The following GPHN variants were observed in gnomAD, a reference collection of about 807,000 sequenced individuals.
The protein encoded by GPHN is gephyrin.
GPHN carries 17 observed loss-of-function variants against 95.5 expected under a neutral mutation model. That is an observed-to-expected ratio of 0.18 (90% CI 0.12 to 0.27). GPHN has a LOEUF of 0.27. Ranked by LOEUF, GPHN falls within the 10% of genes least tolerant of loss-of-function variation. The pLI, the probability that GPHN is intolerant of heterozygous loss-of-function variation, is 1.00. For missense variants in GPHN, 660 were observed against 978.1 expected, an observed-to-expected ratio of 0.67 and a Z score of 4.34; for synonymous variants, 320 against 322.5, an observed-to-expected ratio of 0.99 and a Z score of 0.08.
chr14:67,597,495 C>T, the GPHN span, among the ~76,000 whole-genome samples: 18 of 147,670 alleles, frequency 1.2e-4, no homozygotes, highest in Admixed American at 9.3e-4. Context: ...ACAAAGAAAC[C>T]TGTCTCAAAA....
intron 2 of GPHN, among the ~76,000 whole-genome samples, chr14:66,720,106 A>T (rs867740014): frequency 2.0e-5 from 3 of 152,236 alleles, no homozygotes. Context: ...ATGGATCATT[A>T]TATAACCATT....
chr14:67,299,050 A>G, the GPHN span, among the ~76,000 whole-genome samples: 1 of 152,160 alleles, frequency 6.6e-6, no homozygotes, highest in Non-Finnish European at 1.5e-5. Flanking sequence ...ATATCCCACA[A>G]TTTGACCACT....
chr14:67,660,069 T>A, the GPHN span: 4 of 804,284 alleles, frequency 5.0e-6, no homozygotes, highest in Non-Finnish European at 7.6e-6. Context: ...GGACCATGTC[T>A]GGCATGTTCC....
chr14:66,733,493 A>T (rs926330877), intron 2 of GPHN, among the ~76,000 whole-genome samples: 1 of 152,162 alleles, frequency 6.6e-6, no homozygotes, highest in East Asian at 1.9e-4. Context: ...AAATATATGA[A>T]TTTTGATTAC....
At chr14:67,400,812 A>C in the GPHN span, among the ~76,000 whole-genome samples, 1 of 151,990 alleles carries the variant, frequency 6.6e-6, no homozygotes, top group Non-Finnish European at 1.5e-5. Context: ...ACATAGTGAA[A>C]TGCCATCTCT....
At chr14:66,965,406 C>A in intron 9 of GPHN, 81 bp downstream of exon 9, 2 of 1,278,082 alleles carry the variant, frequency 1.6e-6, no homozygotes, top group South Asian at 1.2e-5. Context: ...TCCTGCTTGT[C>A]AAGGTTGGAT....
chr14:67,585,547 G>A, the GPHN span: 3 of 1,506,892 alleles, frequency 2.0e-6, no homozygotes, highest in African/African-American at 2.8e-5. Flanking sequence ...TATATCTGAT[G>A]GGTTGTTTCT....
At chr14:66,873,635 ACAAAG>A (rs1436568620) in intron 4 of GPHN, among the ~76,000 whole-genome samples, 3 of 152,144 alleles carry the variant, frequency 2.0e-5, no homozygotes, top group Non-Finnish European at 2.9e-5. Flanking sequence ...CACAGCATAA[ACAAAG>A]CAGCTGGAAG....
the GPHN span, among the ~76,000 whole-genome samples, chr14:67,671,082 T>A: frequency 6.6e-6 from 1 of 152,242 alleles, no homozygotes; most frequent in Non-Finnish European, 1.5e-5. Flanking sequence ...TTTGCTTAGA[T>A]AAATTCAATT....
chr14:67,493,752 G>A, the GPHN span, among the ~76,000 whole-genome samples: 1 of 152,094 alleles, frequency 6.6e-6, no homozygotes, highest in Non-Finnish European at 1.5e-5. Flanking sequence ...TGAGATTCTT[G>A]TTGGAATGGC....
chr14:66,594,435 A>G (rs997281210), intron 1 of GPHN, among the ~76,000 whole-genome samples: 9 of 152,218 alleles, frequency 5.9e-5, no homozygotes, highest in African/African-American at 2.2e-4. Context: ...AGCTGTGTTA[A>G]TCAAAACAGC....
chr14:67,733,577 C>G, the GPHN span, among the ~76,000 whole-genome samples: 5 of 152,142 alleles, frequency 3.3e-5, no homozygotes, highest in Non-Finnish European at 7.3e-5. Flanking sequence ...TACTATATCA[C>G]AAATTTGTTT....
At chr14:67,623,028 T>C in the GPHN span, among the ~76,000 whole-genome samples, 3 of 152,234 alleles carry the variant, frequency 2.0e-5, no homozygotes, top group African/African-American at 7.2e-5. Flanking sequence ...CCTAAAGTGA[T>C]GGTGAGGCTT....
the GPHN span, among the ~76,000 whole-genome samples, chr14:67,190,083 T>A: frequency 1.3e-5 from 2 of 149,302 alleles, no homozygotes; most frequent in Non-Finnish European, 3.0e-5. Flanking sequence ...TTTTTTTTTT[T>A]TTTTTGTATT....
chr14:67,200,188 C>A, the GPHN span: 2 of 1,150,648 alleles, frequency 1.7e-6, no homozygotes, highest in Non-Finnish European at 2.4e-6. Flanking sequence ...GCGTGGACTT[C>A]CTCCACTGAT....
At chr14:67,614,291 G>A in the GPHN span, among the ~76,000 whole-genome samples, 9 of 152,098 alleles carry the variant, frequency 5.9e-5, no homozygotes, top group African/African-American at 1.4e-4. Flanking sequence ...TGTTCCTTAC[G>A]ATGGATGAGG....
At chr14:67,158,307 CAA>C (rs368266629) in intron 18 of GPHN, among the ~76,000 whole-genome samples, 22 of 55,698 alleles carry the variant, frequency 3.9e-4, no homozygotes, top group East Asian at 5.9e-4. Flanking sequence ...AACTCCATCT[CAA>C]AAAAAAAAAA....
the GPHN span, among the ~76,000 whole-genome samples, chr14:67,597,767 A>AAAAAAG: frequency 2.1e-5 from 1 of 47,198 alleles, no homozygotes; most frequent in Non-Finnish European, 5.2e-5. Context: ...GTTTAAAAAA[A>AAAAAAG]AAAAAGACAT....
intron 2 of GPHN, among the ~76,000 whole-genome samples, chr14:66,737,609 C>T (rs1714799786): frequency 6.6e-6 from 1 of 152,084 alleles, no homozygotes; most frequent in African/African-American, 2.4e-5. Context: ...CTCTGAAAGC[C>T]TGGCTTTTAA....
Sources: allele counts gnomAD v4.1 joint callset (sites outside exome capture counted in the v4.1 genomes callset), GRCh38; gene constraint gnomAD v4.1.1; transcripts MANE v1.5; gene names NCBI Gene and HGNC (gene_info 2026-07-23, HGNC 2026-07-21).